The following TSHZ2 variants were observed in gnomAD, a reference collection of about 807,000 sequenced individuals.
TSHZ2 encodes the protein teashirt zinc finger homeobox 2.
TSHZ2 carries 21 observed loss-of-function variants against 74.4 expected under a neutral mutation model. The observed-to-expected ratio is 0.28, with a 90% CI of 0.20 to 0.41. The LOEUF is 0.41. TSHZ2 is among the 10% of genes least tolerant of loss of function. The pLI, the probability that TSHZ2 is intolerant of heterozygous loss-of-function variation, is 1.00. For missense variants in TSHZ2, 1,244 were observed against 1,293.5 expected (o/e 0.96, Z 0.59); for synonymous variants, 540 against 515.3 (o/e 1.05, Z -0.65).
chr20:53,334,953 A>C (rs1217377401), intron 2 of TSHZ2, among the ~76,000 whole-genome samples: 1 of 152,186 alleles, frequency 6.6e-6, no homozygotes, highest in Non-Finnish European at 1.5e-5. Flanking sequence ...AAGGGCTGGG[A>C]TTACAGGTGT....
chr20:52,988,799 A>G (rs561261324), intron 1 of TSHZ2, among the ~76,000 whole-genome samples: 7 of 152,172 alleles, frequency 4.6e-5, no homozygotes, highest in Non-Finnish European at 1.0e-4. Context: ...CGTCTCAGTA[A>G]GAATCGTGCT....
At chr20:53,199,433 C>A (rs1178642939) in intron 1 of TSHZ2, among the ~76,000 whole-genome samples, 1 of 152,122 alleles carries the variant, frequency 6.6e-6, no homozygotes, top group East Asian at 1.9e-4. Flanking sequence ...AAGATTGTGC[C>A]ACTATACTCC....
At chr20:53,102,989 A>C (rs2123298464) in intron 1 of TSHZ2, among the ~76,000 whole-genome samples, 1 of 152,262 alleles carries the variant, frequency 6.6e-6, no homozygotes, top group African/African-American at 2.4e-5. Context: ...ATTAGAATAC[A>C]TTTGAGTACC....
chr20:53,471,962 C>T (rs948432557), intron 2 of TSHZ2, among the ~76,000 whole-genome samples: 1 of 151,832 alleles, frequency 6.6e-6, no homozygotes, highest in Non-Finnish European at 1.5e-5. Context: ...TGTGCCACCA[C>T]GCCCAGCTAA....
chr20:53,325,827 G>T (rs1375523649), intron 2 of TSHZ2, among the ~76,000 whole-genome samples: 1 of 152,090 alleles, frequency 6.6e-6, no homozygotes, highest in Non-Finnish European at 1.5e-5. Context: ...TGTCTCCCGG[G>T]CTGGAGTGCA....
chr20:53,373,401 A>G (rs149936014), intron 2 of TSHZ2, among the ~76,000 whole-genome samples: 83 of 152,286 alleles, frequency 5.5e-4, no homozygotes, highest in Non-Finnish European at 8.2e-4. Context: ...GGGTTTTTTT[A>G]ATTCTATCAT....
In TSHZ2 at chr20:53,225,167, C is replaced by T. The variant is rs192276635; in HGVS notation, c.41-28332C>T. ...GATTTGGCCTGTGGGCCATAGGTGG[C>T]CAATCCCAGGCTTAAACCATCTCCT... On this transcript the variant is annotated intron_variant, in intron 1 of 2. Coordinates refer to ENST00000371497, the MANE Select transcript of TSHZ2 (RefSeq NM_173485.6). Among the ~76,000 whole-genome samples, 30 of 152,314 alleles carry T rather than the reference C, an allele frequency of 2.0e-4. 1 individual carries two copies. In the East Asian group the frequency reaches 5.2e-3, roughly 26 times the overall value.
intron 2 of TSHZ2, among the ~76,000 whole-genome samples, chr20:53,295,852 G>A (rs1991368044): frequency 6.6e-6 from 1 of 151,938 alleles, no homozygotes. Flanking sequence ...CTTTTTTGGA[G>A]CATAGAAGAA....
At chr20:53,009,015 C>G (rs936560865) in intron 1 of TSHZ2, among the ~76,000 whole-genome samples, 21 of 100,680 alleles carry the variant, frequency 2.1e-4, no homozygotes, top group Non-Finnish European at 4.0e-4. Context: ...CTCTCTCTCT[C>G]TCTCTCTCTC....
chr20:53,138,235 T>G (rs540730392), intron 1 of TSHZ2, among the ~76,000 whole-genome samples: 19 of 151,910 alleles, frequency 1.3e-4, no homozygotes, highest in African/African-American at 4.6e-4. Flanking sequence ...TACAAAAAAA[T>G]TAGCTGGGCG....
chr20:53,168,994 T>C (rs1988126571), intron 1 of TSHZ2: 1 of 152,230 alleles, frequency 6.6e-6, no homozygotes, highest in Non-Finnish European at 1.5e-5. Flanking sequence ...ACAATAGTTA[T>C]GACAGTACAG....
rs142116366 is a variant in TSHZ2, at chr20:53,469,555, G to GGGAAGGAAGGAAGGAAGGAAGGAA, written c.*9-17569_*9-17546dup. 2.7e-3 allele frequency among the ~76,000 whole-genome samples: 212 copies of GGGAAGGAAGGAAGGAAGGAAGGAA among 78,354 alleles called. 5 individuals are homozygous for GGGAAGGAAGGAAGGAAGGAAGGAA. Among genetic ancestry groups the GGGAAGGAAGGAAGGAAGGAAGGAA allele is most frequent in the African/African-American group, 0.011 (203 of 18,360 alleles). The allele number at this position is 78,354 out of a possible 152,430, so 51.4% of individuals were successfully genotyped here. On this transcript the variant is annotated intron_variant, in intron 2 of 2. Transcript: ENST00000371497. The stretch of plus-strand genomic sequence containing the variant: ...ACTCTGTCAAGAAAAGAAAGAAGGA[G>GGGAAGGAAGGAAGGAAGGAAGGAA]GGAAGGAAGGAAGGAAGGAAGGAAG...
At chr20:53,124,792 G>C (rs947091853) in intron 1 of TSHZ2, among the ~76,000 whole-genome samples, 2 of 152,176 alleles carry the variant, frequency 1.3e-5, no homozygotes, top group Non-Finnish European at 2.9e-5. Context: ...TTCTTTCCCA[G>C]GGCCACACTG....
chr20:53,441,221 G>GTTTAT (rs11472706), intron 2 of TSHZ2, among the ~76,000 whole-genome samples: 30,555 of 125,186 alleles, frequency 0.24, 3,648 homozygotes, highest in Admixed American at 0.28. Context: ...TTATTTATTT[G>GTTTAT]TTTATTTTAT....
chr20:53,222,880 A>T (rs192581982), intron 1 of TSHZ2, among the ~76,000 whole-genome samples: 56 of 152,366 alleles, frequency 3.7e-4, no homozygotes, highest in Admixed American at 8.5e-4. Flanking sequence ...CAAAACAAGA[A>T]ATGTATCCTT....
At position 53,255,608 on chromosome 20, in the gene TSHZ2, C is replaced by T. The variant is rs1336300429; in HGVS notation, c.2150C>T (p.Ser717Phe). 2.0e-5 allele frequency: 32 copies of T among 1,584,006 alleles called. No individual in the cohort carries two copies. The highest frequency in any genetic ancestry group is 2.7e-5 in the Non-Finnish European group (32 of 1,165,346). The change falls in exon 2 of 3, where the codon TCC becomes TTC. Residue 717 changes from serine to phenylalanine, a missense_variant. Ser to Phe is a radical substitution (Grantham distance 155, BLOSUM62 -2). Around this residue, in one of 6 missense-constraint regions of TSHZ2, gnomAD observed 562 missense variants for 544.0 expected, o/e 1.03. Transcript: ENST00000371497. The surrounding 1 kb of genome is among the most constrained non-coding windows in gnomAD (Gnocchi z 4.1). ...GKATEPLRSP[S>F]CSSPSSSTIS... ...GCCACGGAGCCCTTGCGCTCACCTT[C>T]CTGCTCCAGCCCAAGTTCAAGCACA...
chr20:53,019,531 G>A (rs1434638279), intron 1 of TSHZ2, among the ~76,000 whole-genome samples: 1 of 152,184 alleles, frequency 6.6e-6, no homozygotes, highest in Non-Finnish European at 1.5e-5. Flanking sequence ...GGAGACCCCT[G>A]TTGTTGAATG....
At chr20:52,995,557 G>T (rs1398187975) in intron 1 of TSHZ2, among the ~76,000 whole-genome samples, 1 of 151,566 alleles carries the variant, frequency 6.6e-6, no homozygotes, top group African/African-American at 2.4e-5. Context: ...GCAACCAAGT[G>T]CTTTGAACTC....
chr20:53,415,601 C>T (rs1024873964), intron 2 of TSHZ2, among the ~76,000 whole-genome samples: 1 of 18,376 alleles, frequency 5.4e-5, no homozygotes, highest in African/African-American at 2.1e-4. Flanking sequence ...CAGCTGCCCC[C>T]AAATCTGTAT....
Sources: gnomAD v4.1 joint callset for allele counts (sites outside exome capture counted in the v4.1 genomes callset) on GRCh38, gnomAD v4.1.1 for gene constraint, gnomAD v4.1.1 regional missense constraint, Gnocchi (gnomAD v3.1) non-coding constraint, MANE v1.5 for transcripts, NCBI Gene and HGNC (gene_info 2026-07-23, HGNC 2026-07-21) for gene names.